Variants in PLPPR1 observed in about 807,000 individuals in gnomAD.
The protein encoded by PLPPR1 is phospholipid phosphatase related 1.
Under a neutral mutation model 33.1 loss-of-function variants are expected in PLPPR1, and 10 were observed. The ratio of observed to expected loss-of-function variants is 0.30; its 90% CI spans 0.19 to 0.51. The LOEUF (loss-of-function observed/expected upper bound fraction) is 0.51, where lower values mean the gene tolerates loss of function less well. Among genes scored for constraint, PLPPR1 ranks in the 20% least tolerant of loss-of-function variants. The pLI, the probability that PLPPR1 is intolerant of heterozygous loss-of-function variation, is 0.97. For synonymous variants in PLPPR1, 151 were observed against 151.0 expected, an observed-to-expected ratio of 1.00 and a Z score of 0.00; for missense variants, 304 against 408.1, an observed-to-expected ratio of 0.74 and a Z score of 2.20.
At chr9:101,238,292 C>A (rs1444345475) in intron 2 of PLPPR1, among the ~76,000 whole-genome samples, 1 of 124,042 alleles carries the variant, frequency 8.1e-6, no homozygotes, top group Non-Finnish European at 1.7e-5. Context: ...ATATACATAC[C>A]CTATATATAT....
At chr9:101,222,829 C>T (rs1826973729) in intron 2 of PLPPR1, among the ~76,000 whole-genome samples, 3 of 151,900 alleles carry the variant, frequency 2.0e-5, no homozygotes, top group South Asian at 4.2e-4. Context: ...AAGCAAACCC[C>T]CGCCCCCGCC....
intron 1 of PLPPR1, among the ~76,000 whole-genome samples, chr9:101,085,724 T>A (rs1339422): frequency 6.6e-6 from 1 of 152,000 alleles, no homozygotes; most frequent in East Asian, 1.9e-4. Flanking sequence ...GGACTTTAAA[T>A]GAGGCTGGGG....
chr9:101,216,620 A>G (rs1826800836), intron 2 of PLPPR1, among the ~76,000 whole-genome samples: 2 of 152,244 alleles, frequency 1.3e-5, no homozygotes, highest in African/African-American at 4.8e-5. Context: ...AAAGAAACAG[A>G]AATTAGGAAG....
At chr9:101,195,723 C>T (rs1399765845) in intron 2 of PLPPR1, among the ~76,000 whole-genome samples, 1 of 152,196 alleles carries the variant, frequency 6.6e-6, no homozygotes, top group Non-Finnish European at 1.5e-5. Context: ...AATCTGCCAC[C>T]TGCTTTGTGT....
At chr9:101,069,028 T>C (rs540634729) in intron 1 of PLPPR1, among the ~76,000 whole-genome samples, 13 of 152,186 alleles carry the variant, frequency 8.5e-5, no homozygotes, top group African/African-American at 3.1e-4. Context: ...CTGGAAAGAA[T>C]TCCCCTGGTG....
chr9:101,097,678 G>A (rs1830837580), intron 1 of PLPPR1, among the ~76,000 whole-genome samples: 1 of 152,104 alleles, frequency 6.6e-6, no homozygotes, highest in South Asian at 2.1e-4. Context: ...GCAGCAACGA[G>A]TGTCCAAGGA....
chr9:101,224,238 G>T (rs1044573511), intron 2 of PLPPR1, among the ~76,000 whole-genome samples: 2 of 152,170 alleles, frequency 1.3e-5, no homozygotes, highest in African/African-American at 2.4e-5. Context: ...CTTTGCTTTT[G>T]TTGATGATTA....
intron 2 of PLPPR1, among the ~76,000 whole-genome samples, chr9:101,250,501 G>T (rs1462850621): frequency 6.6e-6 from 1 of 151,892 alleles, no homozygotes; most frequent in Admixed American, 6.6e-5. Flanking sequence ...CTTCCCTAGA[G>T]CCCTCCCAAG....
chr9:101,147,639 A>G (rs1831536423), intron 1 of PLPPR1, among the ~76,000 whole-genome samples: 1 of 152,206 alleles, frequency 6.6e-6, no homozygotes. Flanking sequence ...AGTTTCAGGA[A>G]TTGGAGGTGA....
intron 2 of PLPPR1, among the ~76,000 whole-genome samples, chr9:101,238,399 T>TTG (rs1250791816): frequency 2.1e-5 from 3 of 143,822 alleles, no homozygotes; most frequent in South Asian, 2.2e-4. Context: ...TATGATGGAA[T>TTG]TGTGTGTGTG....
chr9:101,140,748 G>T (rs960039793), intron 1 of PLPPR1, among the ~76,000 whole-genome samples: 8 of 152,116 alleles, frequency 5.3e-5, no homozygotes, highest in African/African-American at 1.9e-4. Flanking sequence ...AATGAGTTGT[G>T]GGGAGGATGA....
At chr9:101,151,970 C>T (rs1253250998) in intron 1 of PLPPR1, among the ~76,000 whole-genome samples, 1 of 152,144 alleles carries the variant, frequency 6.6e-6, no homozygotes, top group African/African-American at 2.4e-5. Context: ...GAGGAATCGC[C>T]ACACTGTCTT....
intron 2 of PLPPR1, among the ~76,000 whole-genome samples, chr9:101,201,083 C>A (rs1826484029): frequency 6.6e-6 from 1 of 152,180 alleles, no homozygotes; most frequent in Admixed American, 6.5e-5. Context: ...TCAAGCTTGT[C>A]TGGTAAGGGC....
chr9:101,141,811 A>G (rs1831454750), intron 1 of PLPPR1, among the ~76,000 whole-genome samples: 1 of 152,110 alleles, frequency 6.6e-6, no homozygotes, highest in African/African-American at 2.4e-5. Flanking sequence ...GACACCTTCT[A>G]TTCCCACACT....
At chr9:101,307,592 T>A (rs948127486) in intron 4 of PLPPR1, among the ~76,000 whole-genome samples, 4 of 152,218 alleles carry the variant, frequency 2.6e-5, no homozygotes, top group African/African-American at 9.6e-5. Flanking sequence ...GTTCTCATTA[T>A]GATAAAGCAC....
intron 3 of PLPPR1, among the ~76,000 whole-genome samples, chr9:101,283,964 A>C (rs973429708): frequency 1.3e-5 from 2 of 152,188 alleles, no homozygotes; most frequent in Admixed American, 6.5e-5. Context: ...GGCTATTATC[A>C]AAAGATGAAA....
chr9:101,176,438 G>A (rs976201744), intron 1 of PLPPR1, among the ~76,000 whole-genome samples: 1 of 152,196 alleles, frequency 6.6e-6, no homozygotes, highest in African/African-American at 2.4e-5. Flanking sequence ...GCACTCCTAC[G>A]CGTTCCTCAC....
At chr9:101,190,950 A>C (rs1364899628) in intron 2 of PLPPR1, among the ~76,000 whole-genome samples, 1 of 152,166 alleles carries the variant, frequency 6.6e-6, no homozygotes, top group Non-Finnish European at 1.5e-5. Flanking sequence ...CAAATCCTTG[A>C]ATGACAGACA....
chr9:101,309,972 A>G (rs1828927005), intron 5 of PLPPR1, among the ~76,000 whole-genome samples: 1 of 152,114 alleles, frequency 6.6e-6, no homozygotes, highest in African/African-American at 2.4e-5. Context: ...TTTCTCCATG[A>G]CTTTGCTAGG....
Sources: allele counts gnomAD v4.1 joint callset (sites outside exome capture counted in the v4.1 genomes callset), GRCh38; gene constraint gnomAD v4.1.1; transcripts MANE v1.5; gene names NCBI Gene and HGNC (gene_info 2026-07-23, HGNC 2026-07-21).